RBFOX1: variants seen among roughly 807,000 people sequenced by gnomAD.
RBFOX1 encodes RNA binding protein fox-1 homolog 1.
In RBFOX1, 8 loss-of-function variants were observed where a neutral mutation model predicts 57.7. The ratio of observed to expected loss-of-function variants is 0.14; its 90% CI spans 0.08 to 0.25. The LOEUF is 0.25. RBFOX1 is among the 10% of genes least tolerant of loss of function. The pLI, the probability that RBFOX1 is intolerant of heterozygous loss-of-function variation, is 1.00. For missense variants in RBFOX1, 611 were observed against 548.5 expected (o/e 1.11, Z -1.14); for synonymous variants, 326 against 222.4 (o/e 1.47, Z -4.15).
chr16:7,489,934 G>T (rs1347611280), intron 4 of RBFOX1, among the ~76,000 whole-genome samples: 1 of 152,008 alleles, frequency 6.6e-6, no homozygotes, highest in Non-Finnish European at 1.5e-5. Context: ...ATTTTCCTTG[G>T]TCAGAGTTTT....
At chr16:7,089,681 G>C (rs142753611) in intron 4 of RBFOX1, among the ~76,000 whole-genome samples, 1 of 152,088 alleles carries the variant, frequency 6.6e-6, no homozygotes, top group Non-Finnish European at 1.5e-5. Flanking sequence ...AAAATGATGC[G>C]TGTCCCAGAC....
intron 3 of RBFOX1, among the ~76,000 whole-genome samples, chr16:5,710,317 G>A (rs1435422996): frequency 2.0e-5 from 3 of 152,142 alleles, no homozygotes; most frequent in Non-Finnish European, 2.9e-5. Flanking sequence ...GCTTTTGTTT[G>A]TTGCTTTCAC....
chr16:7,486,882 C>G (rs2065541533), intron 4 of RBFOX1, among the ~76,000 whole-genome samples: 1 of 152,160 alleles, frequency 6.6e-6, no homozygotes, highest in African/African-American at 2.4e-5. Flanking sequence ...AGTTCAAACA[C>G]AATTCTCACT....
chr16:6,689,941 G>T (rs538031702), intron 3 of RBFOX1, among the ~76,000 whole-genome samples: 2 of 152,212 alleles, frequency 1.3e-5, no homozygotes, highest in Admixed American at 6.5e-5. Flanking sequence ...ACGAAGAGGT[G>T]TAAGAGTTGA....
chr16:5,908,095 TACAC>T lies in RBFOX1; in HGVS notation c.351+40762_351+40765del, dbSNP rs1406586963. On this transcript the variant is annotated intron_variant, in intron 4 of 19. Transcript: ENST00000641259. ...GTATATATATATATATACACATATA[TACAC>T]ATATATATATACACATATATACACA... Among the ~76,000 whole-genome samples, 18 of 139,840 alleles carry T rather than the reference TACAC, an allele frequency of 1.3e-4. 2 individuals are homozygous for T. Among genetic ancestry groups the T allele is most frequent in the Admixed American group, 4.2e-4 (6 of 14,330 alleles). 91.7% of individuals were successfully genotyped at this position (139,840 alleles called of 152,430 possible).
intron 2 of RBFOX1, among the ~76,000 whole-genome samples, chr16:6,611,453 A>G (rs2098051734): frequency 6.6e-6 from 1 of 152,086 alleles, no homozygotes; most frequent in Admixed American, 6.6e-5. Flanking sequence ...GGCCGTCTTC[A>G]TCTGCTTTTA....
At chr16:7,125,611 A>G (rs1211743841) in intron 4 of RBFOX1, among the ~76,000 whole-genome samples, 1 of 152,176 alleles carries the variant, frequency 6.6e-6, no homozygotes, top group Non-Finnish European at 1.5e-5. Flanking sequence ...CATCATCGCA[A>G]TAATATAGAA....
intron 2 of RBFOX1, among the ~76,000 whole-genome samples, chr16:6,642,702 T>C (rs1428664629): frequency 6.6e-6 from 1 of 152,186 alleles, no homozygotes; most frequent in East Asian, 1.9e-4. Flanking sequence ...GCCTGCTGTC[T>C]TTATTTGCAT....
intron 3 of RBFOX1, among the ~76,000 whole-genome samples, chr16:6,804,772 C>T (rs75991407): frequency 0.019 from 2,858 of 152,162 alleles, 90 homozygotes; most frequent in African/African-American, 0.065. Context: ...GATTGGGGGC[C>T]GTTCCCTACT....
intron 2 of RBFOX1, among the ~76,000 whole-genome samples, chr16:5,508,887 C>T (rs570817785): frequency 1.1e-4 from 16 of 152,320 alleles, no homozygotes; most frequent in South Asian, 2.1e-4. Flanking sequence ...GCTGTTCCTA[C>T]GGCAACCACC....
intron 2 of RBFOX1, among the ~76,000 whole-genome samples, chr16:6,563,435 A>G (rs2097211232): frequency 6.6e-6 from 1 of 152,158 alleles, no homozygotes; most frequent in East Asian, 1.9e-4. Context: ...TTGGATGTGT[A>G]TAAGTTATTG....
rs189549543 is a variant in RBFOX1, at chr16:7,329,840, A to G, written c.28-188307A>G. 5.4e-4 allele frequency among the ~76,000 whole-genome samples: 83 copies of G among 152,342 alleles called. 1 individual carries two copies. The East Asian group carries it at 9.5e-3, about 17-fold the overall frequency. On this transcript the variant is annotated intron_variant, in intron 4 of 15. Coordinates refer to ENST00000550418, the MANE Select transcript of RBFOX1 (RefSeq NM_018723.4). ...ACAGAAAATATCCCCGGCACAAGGT[A>G]TAACTATATATCTCTATCCTGTATG...
chr16:5,462,144 C>T (rs1264034859), intron 1 of RBFOX1, among the ~76,000 whole-genome samples: 2 of 150,622 alleles, frequency 1.3e-5, no homozygotes, highest in African/African-American at 4.9e-5. Context: ...ATAAAAGAAA[C>T]CCAGCGAGTT....
chr16:5,728,475 G>C (rs556955122), intron 3 of RBFOX1, among the ~76,000 whole-genome samples: 14 of 152,322 alleles, frequency 9.2e-5, no homozygotes, highest in African/African-American at 3.4e-4. Context: ...ACCAGGTGGA[G>C]TTCCCCTGGA....
intron 4 of RBFOX1, among the ~76,000 whole-genome samples, chr16:7,476,490 A>T (rs2062734319): frequency 6.6e-6 from 1 of 152,230 alleles, no homozygotes; most frequent in African/African-American, 2.4e-5. Context: ...CAATTATTAG[A>T]TGGTATAACT....
intron 4 of RBFOX1, among the ~76,000 whole-genome samples, chr16:5,981,867 C>T (rs1314772159): frequency 7.2e-5 from 11 of 152,238 alleles, no homozygotes; most frequent in Admixed American, 5.9e-4. Flanking sequence ...AGGGGAGCTG[C>T]TACTTGTGTT....
chr16:5,921,602 A>T (rs1199423754), intron 4 of RBFOX1, among the ~76,000 whole-genome samples: 1 of 152,212 alleles, frequency 6.6e-6, no homozygotes, highest in East Asian at 1.9e-4. Flanking sequence ...GATGAGAAAT[A>T]GGAAAAGGAA....
intron 1 of RBFOX1, among the ~76,000 whole-genome samples, chr16:5,244,834 CAG>C (rs2062257219): frequency 1.3e-5 from 2 of 152,290 alleles, no homozygotes; most frequent in South Asian, 4.1e-4. Context: ...TTAGCTATGA[CAG>C]AGAGGGGCAG....
intron 3 of RBFOX1, among the ~76,000 whole-genome samples, chr16:7,010,854 G>A (rs932892528): frequency 3.3e-5 from 5 of 152,170 alleles, no homozygotes; most frequent in Non-Finnish European, 5.9e-5. Flanking sequence ...TGGGATTATA[G>A]GCATGAGCCA....
Sources: allele counts gnomAD v4.1 joint callset (sites outside exome capture counted in the v4.1 genomes callset), GRCh38; gene constraint gnomAD v4.1.1; transcripts MANE v1.5; gene names NCBI Gene and HGNC (gene_info 2026-07-23, HGNC 2026-07-21).